The following FSTL5 variants were observed in gnomAD, a reference collection of about 807,000 sequenced individuals.
FSTL5 encodes follistatin-related protein 5.
In FSTL5, 62 loss-of-function variants were observed where a neutral mutation model predicts 89.1. The observed-to-expected ratio is 0.70, with a 90% CI of 0.57 to 0.86. FSTL5 has a LOEUF of 0.86. Ranked by LOEUF, FSTL5 falls within the 40% of genes least tolerant of loss-of-function variation. FSTL5 has a pLI of 0.00. For missense variants in FSTL5, 1,057 were observed against 1,001.6 expected (o/e 1.06, Z -0.75); for synonymous variants, 383 against 346.2 (o/e 1.11, Z -1.18).
At chr4:161,956,688 G>C (rs1011478944) in intron 3 of FSTL5, among the ~76,000 whole-genome samples, 2 of 151,930 alleles carry the variant, frequency 1.3e-5, no homozygotes, top group Admixed American at 6.6e-5. Context: ...GAAAATACTT[G>C]ATAGAGGAAG....
intron 4 of FSTL5, among the ~76,000 whole-genome samples, chr4:161,800,290 G>C (rs1729753330): frequency 6.6e-6 from 1 of 151,614 alleles, no homozygotes; most frequent in African/African-American, 2.4e-5. Context: ...TCAAACCAGA[G>C]AGAAGCATGT....
chr4:162,076,131 C>T (rs1187121987), intron 2 of FSTL5, among the ~76,000 whole-genome samples: 1 of 151,790 alleles, frequency 6.6e-6, no homozygotes. Context: ...TACTGGTATC[C>T]AATGCTTACA....
At chr4:161,462,086 T>G (rs1331613167) in intron 13 of FSTL5, among the ~76,000 whole-genome samples, 2 of 152,188 alleles carry the variant, frequency 1.3e-5, no homozygotes, top group Non-Finnish European at 2.9e-5. Context: ...ATAAGTATTA[T>G]CTTATAGAGA....
At chr4:161,661,328 C>T (rs571224599) in intron 6 of FSTL5, among the ~76,000 whole-genome samples, 1 of 152,162 alleles carries the variant, frequency 6.6e-6, no homozygotes, top group East Asian at 1.9e-4. Context: ...ATCTTATTAT[C>T]CTCATCATGC....
At chr4:161,566,100 CTA>C (rs59511238) in intron 8 of FSTL5, among the ~76,000 whole-genome samples, 1,088 of 53,930 alleles carry the variant, frequency 0.02, 14 homozygotes, top group African/African-American at 0.025. Flanking sequence ...TTTTTTTGGA[CTA>C]TATATATATA....
At chr4:161,797,426 G>A (rs1330045740) in intron 4 of FSTL5, among the ~76,000 whole-genome samples, 1 of 151,522 alleles carries the variant, frequency 6.6e-6, no homozygotes, top group Non-Finnish European at 1.5e-5. Flanking sequence ...TTGATATTCA[G>A]TACAGCATTT....
intron 2 of FSTL5, among the ~76,000 whole-genome samples, chr4:162,048,441 A>G (rs1041712381): frequency 6.6e-6 from 1 of 152,136 alleles, no homozygotes; most frequent in Non-Finnish European, 1.5e-5. Context: ...CCTTAGAATA[A>G]TTTAAATTGG....
Position 161,512,408 on chromosome 4 carries a change from T to C in FSTL5, c.1313-1984A>G, listed in dbSNP as rs116729881. Among the ~76,000 whole-genome samples, 161 of 152,188 alleles carry C rather than the reference T, an allele frequency of 1.1e-3. 2 individuals are homozygous for C. Among genetic ancestry groups the C allele is most frequent in the African/African-American group, 3.6e-3 (151 of 41,552 alleles). ...AGAAAAAAATTCAAAGTTATGAATTTAGTGTGTTATAAAGAGAAAAACATA... is the reference window on the plus strand; with the variant it reads ...AGAAAAAAATTCAAAGTTATGAATTCAGTGTGTTATAAAGAGAAAAACATA... On this transcript the variant is annotated intron_variant, in intron 10 of 15. Transcript: ENST00000306100.
At chr4:162,028,911 G>A (rs1017370320) in intron 3 of FSTL5, among the ~76,000 whole-genome samples, 2 of 152,232 alleles carry the variant, frequency 1.3e-5, no homozygotes, top group South Asian at 2.1e-4. Context: ...CTCAGAAACT[G>A]TGAGATTAAT....
chr4:162,065,924 T>G (rs1738879572), intron 2 of FSTL5, among the ~76,000 whole-genome samples: 1 of 152,050 alleles, frequency 6.6e-6, no homozygotes, highest in South Asian at 2.1e-4. Context: ...TTAAAAAAAG[T>G]AGGGTTACCA....
rs199701054 is a variant in FSTL5, at chr4:161,974,841, G to A, written c.161-54189C>T. Among the ~76,000 whole-genome samples, 438 of 151,214 alleles carry A rather than the reference G, an allele frequency of 2.9e-3. 7 individuals carry two copies. In the East Asian group the frequency reaches 0.035, roughly 12 times the overall value. ...ACCTACAACATGGGAGAAAATTTTC[G>A]CAACCTACTCATCTGACAAAGGGCT... On this transcript the variant is annotated intron_variant, in intron 3 of 15. Transcript: ENST00000306100.
At chr4:161,512,765 T>C (rs2126503176) in intron 10 of FSTL5, among the ~76,000 whole-genome samples, 1 of 152,240 alleles carries the variant, frequency 6.6e-6, no homozygotes, top group South Asian at 2.1e-4. Flanking sequence ...TAAAACACAG[T>C]ATTATGTTTT....
intron 2 of FSTL5, among the ~76,000 whole-genome samples, chr4:162,079,236 A>G (rs1458281018): frequency 4.6e-5 from 7 of 151,718 alleles, no homozygotes; most frequent in African/African-American, 1.7e-4. Flanking sequence ...AATTTATATA[A>G]CAAAATTAGT....
intron 6 of FSTL5, among the ~76,000 whole-genome samples, chr4:161,728,450 G>A (rs1020499203): frequency 6.6e-6 from 1 of 152,112 alleles, no homozygotes; most frequent in Non-Finnish European, 1.5e-5. Context: ...CTGGAAAATT[G>A]TTGCTTACTT....
chr4:161,609,063 G>C (rs1393798863), intron 7 of FSTL5, among the ~76,000 whole-genome samples: 1 of 151,532 alleles, frequency 6.6e-6, no homozygotes, highest in Non-Finnish European at 1.5e-5. Context: ...CTTACATTTT[G>C]TGTGATTATT....
At chr4:161,682,450 A>G (rs527512273) in intron 6 of FSTL5, among the ~76,000 whole-genome samples, 26 of 152,322 alleles carry the variant, frequency 1.7e-4, no homozygotes, top group African/African-American at 5.3e-4. Flanking sequence ...CTGCACAACC[A>G]TATCTTCTTT....
At chr4:161,767,792 A>C (rs536153884) in intron 5 of FSTL5, among the ~76,000 whole-genome samples, 2 of 139,816 alleles carry the variant, frequency 1.4e-5, no homozygotes, top group Non-Finnish European at 3.0e-5. Context: ...AATATAGCAC[A>C]GATTTATTCA....
intron 1 of FSTL5, among the ~76,000 whole-genome samples, chr4:162,126,598 G>A (rs1732089907): frequency 6.6e-6 from 1 of 151,882 alleles, no homozygotes; most frequent in Non-Finnish European, 1.5e-5. Flanking sequence ...AATCTAATGT[G>A]TAGCCTCTCC....
chr4:162,071,121 C>T (rs945820359), intron 2 of FSTL5, among the ~76,000 whole-genome samples: 1 of 151,616 alleles, frequency 6.6e-6, no homozygotes, highest in African/African-American at 2.4e-5. Context: ...AAACATGTAA[C>T]TCTTCAACTA....
Sources: allele counts gnomAD v4.1 joint callset (sites outside exome capture counted in the v4.1 genomes callset), GRCh38; gene constraint gnomAD v4.1.1; transcripts MANE v1.5; gene names NCBI Gene and HGNC (gene_info 2026-07-23, HGNC 2026-07-21).